CR1L: variants seen among roughly 807,000 people sequenced by gnomAD.
The protein encoded by CR1L is complement component receptor 1-like protein.
In CR1L, 59 loss-of-function variants were observed where a neutral mutation model predicts 62.3. The ratio of observed to expected loss-of-function variants is 0.95; its 90% confidence interval spans 0.77 to 1.18. The LOEUF (loss-of-function observed/expected upper bound fraction) is 1.18, where lower values mean the gene tolerates loss of function less well. Among genes scored for constraint, CR1L ranks in the 50% most tolerant of loss-of-function variants. The pLI is 0.00. For missense variants in CR1L, 700 were observed against 702.8 expected (o/e 1.00, Z 0.04); for synonymous variants, 279 against 248.7 (o/e 1.12, Z -1.15).
At chr1:207,708,117 A>C in intron 9 of CR1L, 61 bp from the exon 10 acceptor site, 1 of 1,577,380 alleles carries the variant, frequency 6.3e-7, no homozygotes, top group Non-Finnish European at 8.7e-7. Context: ...CCACATATGC[A>C]TGCTGTCAGG....
intron 9 of CR1L, among the ~76,000 whole-genome samples, chr1:207,705,478 G>A (rs896134941): frequency 7.2e-5 from 11 of 152,160 alleles, no homozygotes; most frequent in Non-Finnish European, 1.2e-4. Context: ...CACTCTTCAC[G>A]GGAACAGCTA....
intron 1 of CR1L, among the ~76,000 whole-genome samples, chr1:207,650,407 C>T (rs1041552180): frequency 1.1e-4 from 17 of 152,002 alleles, no homozygotes; most frequent in Non-Finnish European, 1.9e-4. Flanking sequence ...GTAGCTCTCA[C>T]GTTATCAAGA....
chr1:207,666,932 C>CAAA (rs2102450055), intron 1 of CR1L, among the ~76,000 whole-genome samples: 1 of 152,314 alleles, frequency 6.6e-6, no homozygotes, highest in South Asian at 2.1e-4. Context: ...ACATGCCCCT[C>CAAA]TTCAACAGTC....
intron 7 of CR1L, among the ~76,000 whole-genome samples, chr1:207,698,967 A>G (rs764113285): frequency 4.6e-5 from 7 of 152,158 alleles, no homozygotes; most frequent in Non-Finnish European, 8.8e-5. Flanking sequence ...ACCTTTTTCA[A>G]TTCAAGCAGG....
intron 8 of CR1L, among the ~76,000 whole-genome samples, chr1:207,700,878 T>C (rs913426366): frequency 6.6e-6 from 1 of 152,236 alleles, no homozygotes; most frequent in East Asian, 1.9e-4. Context: ...ATTTTTCTTC[T>C]TCAAATGTTT....
At position 207,683,890 on chromosome 1, in the gene CR1L, C is replaced by T. The variant is rs370675697; in HGVS notation, c.396C>T (p.Ser132=). 2 of 1,613,232 alleles carry T rather than the reference C, an allele frequency of 1.2e-6. No individual in the cohort carries two copies. Among genetic ancestry groups the T allele is most frequent in the Non-Finnish European group, 1.7e-6 (2 of 1,179,456 alleles). ...CCTCTAGATACCGACTCATTGGTTCCTCGTCTGCCACATGCATCATCTCAG... is the reference window on the plus strand; with the variant it reads ...CCTCTAGATACCGACTCATTGGTTCTTCGTCTGCCACATGCATCATCTCAG... ...SCPKGYRLIG[S]SSATCIISGN... Residue 132 remains serine, a synonymous_variant, in exon 4 of 12, where the codon TCC becomes TCT. Coordinates refer to ENST00000508064, the MANE Select transcript of CR1L (RefSeq NM_175710.2).
chr1:207,708,734 T>C (rs1388519151), intron 10 of CR1L, among the ~76,000 whole-genome samples: 1 of 152,224 alleles, frequency 6.6e-6, no homozygotes, highest in African/African-American at 2.4e-5. Context: ...TTCTACATTT[T>C]GGGGAGCAAA....
chr1:207,659,753 G>A (rs1000551371), intron 1 of CR1L, among the ~76,000 whole-genome samples: 1 of 152,206 alleles, frequency 6.6e-6, no homozygotes, highest in Admixed American at 6.5e-5. Flanking sequence ...TTCCTAGCCA[G>A]GGAAAGCTGT....
chr1:207,713,893 T>G (rs1163489178), intron 10 of CR1L, among the ~76,000 whole-genome samples: 2 of 152,064 alleles, frequency 1.3e-5, no homozygotes, highest in East Asian at 3.9e-4. Flanking sequence ...CAAGGCTGAC[T>G]TGGCCTGCAT....
intron 10 of CR1L, among the ~76,000 whole-genome samples, chr1:207,713,740 C>T (rs1653895545): frequency 1.3e-5 from 2 of 152,264 alleles, no homozygotes; most frequent in Admixed American, 6.5e-5. Flanking sequence ...GGTGCCCAAA[C>T]AGGGGTCCCC....
rs546398745 is a variant in CR1L, at chr1:207,681,471, C to T, written c.378-2401C>T. ...TCTGCCTTACTTCCTCACAAACATT[C>T]TGAATGAGAAAAGTTCAAACCATTA... On this transcript the variant is annotated intron_variant, in intron 3 of 11. Transcript: ENST00000508064. Among the ~76,000 whole-genome samples the T allele has an allele frequency of 4.5e-4, 68 of 152,360 alleles. 1 individual carries two copies. The highest frequency in any genetic ancestry group is 1.6e-3 in the African/African-American group (66 of 41,594).
Position 207,717,634 on chromosome 1 carries a change from C to T in CR1L, c.1585C>T (p.His529Tyr), listed in dbSNP as rs1238767180. Residue 529 changes from histidine to tyrosine, a missense_variant, in exon 11 of 12, where the codon CAT (histidine) becomes TAT (tyrosine). Transcript: ENST00000508064. ...ESTIRRTSEP[H>Y]GNGVWSSPAP... ...CACCATCCGCCGCACAAGTGAACCT[C>T]ATGGGAATGGGGTTTGGAGCAGCCC... 2 of 1,614,004 alleles carry T rather than the reference C, an allele frequency of 1.2e-6. No homozygotes were observed. The highest frequency in any genetic ancestry group is 3.3e-5 in the Admixed American group (2 of 60,026).
At chr1:207,655,219 A>G (rs563982328) in intron 1 of CR1L, 13 of 680,948 alleles carry the variant, frequency 1.9e-5, no homozygotes, top group Admixed American at 1.1e-4. Context: ...GAAATTCTAT[A>G]TTGTGAACTT....
At chr1:207,659,984 G>T (rs949828584) in intron 1 of CR1L, among the ~76,000 whole-genome samples, 1 of 152,084 alleles carries the variant, frequency 6.6e-6, no homozygotes, top group Non-Finnish European at 1.5e-5. Flanking sequence ...TTGACTGGGC[G>T]GTTCTATGCT....
intron 4 of CR1L, among the ~76,000 whole-genome samples, chr1:207,684,556 T>C (rs1260957813): frequency 1.3e-5 from 2 of 152,214 alleles, no homozygotes; most frequent in Non-Finnish European, 1.5e-5. Flanking sequence ...AATAATCTAC[T>C]AGTAGGAAAA....
At chr1:207,653,726 A>G (rs1203551068) in intron 1 of CR1L, among the ~76,000 whole-genome samples, 1 of 152,218 alleles carries the variant, frequency 6.6e-6, no homozygotes, top group Non-Finnish European at 1.5e-5. Context: ...AAAGTCATAG[A>G]TATTGGGGAT....
intron 1 of CR1L, among the ~76,000 whole-genome samples, chr1:207,674,011 C>T (rs898334777): frequency 2.6e-5 from 4 of 152,158 alleles, no homozygotes; most frequent in African/African-American, 9.7e-5. Flanking sequence ...TGTATATGTG[C>T]AGCAACCTAG....
Position 207,703,148 on chromosome 1 carries a change from C to T in CR1L, c.1328+1530C>T, listed in dbSNP as rs144932067. Among the ~76,000 whole-genome samples, 327 of 152,260 alleles carry T rather than the reference C, an allele frequency of 2.1e-3. 1 individual carries two copies. Among genetic ancestry groups the T allele is most frequent in the Middle Eastern group, 0.01 (3 of 294 alleles). ...TGACATAGAAGCTGCAGCAAGTTGTCCTGATGATCTAACTAAGATCATTGA... is the reference window on the plus strand; with the variant it reads ...TGACATAGAAGCTGCAGCAAGTTGTTCTGATGATCTAACTAAGATCATTGA... On this transcript the variant is annotated intron_variant, in intron 9 of 11. Transcript: ENST00000508064.
chr1:207,693,943 A>C (rs575248685), intron 4 of CR1L, among the ~76,000 whole-genome samples: 1 of 152,200 alleles, frequency 6.6e-6, no homozygotes, highest in East Asian at 1.9e-4. Flanking sequence ...TACTGTGTAT[A>C]TTTGTGTCTT....
Sources: gnomAD v4.1 joint callset for allele counts (sites outside exome capture counted in the v4.1 genomes callset) on GRCh38, gnomAD v4.1.1 for gene constraint, MANE v1.5 for transcripts, NCBI Gene and HGNC (gene_info 2026-07-23, HGNC 2026-07-21) for gene names.